Variants in KDR observed in about 807,000 individuals in gnomAD.
KDR encodes vascular endothelial growth factor receptor 2.
A neutral mutation model predicts 160.9 loss-of-function variants in KDR; 43 were observed. That is an observed-to-expected ratio of 0.27 (90% CI 0.21 to 0.34). The LOEUF (loss-of-function observed/expected upper bound fraction) is 0.34. KDR is among the 10% of genes least tolerant of loss of function. The pLI is 1.00. For synonymous variants in KDR, 617 were observed against 600.1 expected, an observed-to-expected ratio of 1.03 and a Z score of -0.41; for missense variants, 1,469 against 1,666.4, an observed-to-expected ratio of 0.88 and a Z score of 2.06.
At chr4:55,101,823 T>C in intron 15 of KDR, 74 bp downstream of exon 15, 3 of 1,294,528 alleles carry the variant, frequency 2.3e-6, no homozygotes, top group Non-Finnish European at 2.2e-6. Context: ...GCAAAGGACA[T>C]GATCAGATTC....
chr4:55,085,946 G>A (rs978426155), intron 27 of KDR, among the ~76,000 whole-genome samples: 4 of 152,162 alleles, frequency 2.6e-5, no homozygotes, highest in Admixed American at 2.0e-4. Flanking sequence ...GGAGGCTGCC[G>A]ACTCGGATCA....
Position 55,097,770 on chromosome 4 carries a change from G to C in KDR, c.2510-4C>G, listed in dbSNP as rs1232558101. 1 of 1,600,798 alleles carries C rather than the reference G, an allele frequency of 6.2e-7. No individual in the cohort carries two copies. Among genetic ancestry groups the C allele is most frequent in the Admixed American group, 1.7e-5 (1 of 59,842 alleles). ...GCACCACGGCCAAGAGGCTTACCTA[G>C]AGTCAACAACAACAGCAACAAGAAA... On this transcript the variant is annotated splice_polypyrimidine_tract_variant and splice_region_variant and intron_variant, in intron 17 of 29. Coordinates refer to ENST00000263923, the MANE Select transcript of KDR (RefSeq NM_002253.4).
chr4:55,113,488 A>G lies in KDR; in HGVS notation c.799-7T>C, dbSNP rs754990117. The stretch of plus-strand genomic sequence containing the variant: ...CAAGTTTCTTATGCTGATGCTGAAA[A>G]AAAGAGTTGACTGAACTTCCAAAGC... On this transcript the variant is annotated splice_polypyrimidine_tract_variant and splice_region_variant and intron_variant, in intron 6 of 29. Coordinates refer to ENST00000263923, the MANE Select transcript of KDR (RefSeq NM_002253.4). 2 of 1,613,784 alleles carry G rather than the reference A, an allele frequency of 1.2e-6. No homozygotes were observed. Among genetic ancestry groups the G allele is most frequent in the Non-Finnish European group, 1.7e-6 (2 of 1,179,706 alleles).
chr4:55,086,393 G>A (rs1479275473), intron 27 of KDR, among the ~76,000 whole-genome samples: 1 of 152,106 alleles, frequency 6.6e-6, no homozygotes, highest in Non-Finnish European at 1.5e-5. Flanking sequence ...GCCCCAAGTT[G>A]CACAGCTGCT....
At chr4:55,099,114 C>T (rs935852693) in intron 15 of KDR, among the ~76,000 whole-genome samples, 10 of 151,834 alleles carry the variant, frequency 6.6e-5, no homozygotes, top group Non-Finnish European at 1.2e-4. Context: ...TTCCTAGGCT[C>T]AAGCGATTCT....
In KDR at chr4:55,080,054, A is replaced by G; in HGVS notation, c.3958T>C (p.Ser1320Pro). ...TTTAAAAGTTCTGCTTCCTCACTGG[A>G]GTACACGGTGGTGTCTGTGTCATCG... is the stretch of plus-strand genomic sequence containing the variant. ...HSDDTDTTVY[S>P]SEEAELLKLI... Residue 1320 changes from serine to proline, a missense_variant, in exon 30 of 30, where the codon TCC (serine) becomes CCC (proline). Physicochemically the swap from Ser to Pro is moderately conservative, Grantham distance 74. This residue lies in a region of KDR where 229 missense variants were observed against 197.8 expected (regional missense o/e 1.16). Coordinates refer to ENST00000263923, the MANE Select transcript of KDR (RefSeq NM_002253.4). 6.2e-7 allele frequency: 1 copy of G among 1,614,122 alleles called. No homozygotes were observed. The highest frequency in any genetic ancestry group is 8.5e-7 in the Non-Finnish European group (1 of 1,180,008).
intron 15 of KDR, among the ~76,000 whole-genome samples, chr4:55,101,559 A>C (rs1720309533): frequency 6.6e-6 from 1 of 151,998 alleles, no homozygotes; most frequent in South Asian, 2.1e-4. Flanking sequence ...ACACAGGTAA[A>C]CATGTGCCAT....
intron 7 of KDR, among the ~76,000 whole-genome samples, chr4:55,112,008 C>T (rs1720597013): frequency 6.6e-6 from 1 of 152,092 alleles, no homozygotes; most frequent in South Asian, 2.1e-4. Flanking sequence ...ATATAAACTC[C>T]AAAATCCTTT....
chr4:55,101,404 C>T (rs140539128), intron 15 of KDR, among the ~76,000 whole-genome samples: 1 of 152,226 alleles, frequency 6.6e-6, no homozygotes, highest in Non-Finnish European at 1.5e-5. Flanking sequence ...TAAAAATCAT[C>T]TGTCGTTGCC....
chr4:55,089,279 G>T, intron 25 of KDR, 95 bp downstream of exon 25: 1 of 854,456 alleles, frequency 1.2e-6, no homozygotes, highest in Non-Finnish European at 1.9e-6. Flanking sequence ...ACACTAACTG[G>T]GCAATGAAGA....
At position 55,079,929 on chromosome 4, in the gene KDR, G is replaced by A. The variant is rs375679358; in HGVS notation, c.*12C>T. ...TGTGATGTCCAGGAGTTGGGGGTGT[G>A]GATGCTTCCTTTTAAACAGGAGGAG... On this transcript the variant is annotated 3_prime_UTR_variant, in exon 30 of 30. Coordinates refer to ENST00000263923, the MANE Select transcript of KDR (RefSeq NM_002253.4). 1.9e-6 allele frequency: 3 copies of A among 1,609,544 alleles called. No homozygotes were observed. The highest frequency in any genetic ancestry group is 3.3e-5 in the Admixed American group (2 of 60,016).
intron 22 of KDR, among the ~76,000 whole-genome samples, chr4:55,091,775 T>C (rs1420859385): frequency 6.6e-6 from 1 of 152,254 alleles, no homozygotes; most frequent in Non-Finnish European, 1.5e-5. Context: ...TTCTTCCTGA[T>C]CCTTAATTTG....
chr4:55,098,982 A>AATTT (rs71930411), intron 15 of KDR, among the ~76,000 whole-genome samples, 179 bp from the exon 16 acceptor site: 21,460 of 142,902 alleles, frequency 0.15, 1,737 homozygotes, highest in Middle Eastern at 0.27. Context: ...TTTTGAATTT[A>AATTT]ATTTATTTAT....
At chr4:55,084,028 A>C (rs1462562951) in intron 27 of KDR, among the ~76,000 whole-genome samples, 1 of 152,238 alleles carries the variant, frequency 6.6e-6, no homozygotes, top group East Asian at 1.9e-4. Flanking sequence ...ACACTGTGCC[A>C]GAAGCTGTCT....
chr4:55,123,208 A>G (rs535630072), intron 1 of KDR, among the ~76,000 whole-genome samples: 1 of 152,248 alleles, frequency 6.6e-6, no homozygotes, highest in African/African-American at 2.4e-5. Context: ...TCATTTGGAT[A>G]ACACAGATTT....
chr4:55,122,824 C>G (rs549853416), intron 1 of KDR: 2 of 151,982 alleles, frequency 1.3e-5, no homozygotes, highest in East Asian at 1.9e-4. Flanking sequence ...TTTTAACAAG[C>G]ATTTCAAATT....
Position 55,082,031 on chromosome 4 carries a change from G to T in KDR, c.3773C>A (p.Thr1258Lys). 3.7e-6 allele frequency: 6 copies of T among 1,612,428 alleles called. No homozygotes were observed. Among genetic ancestry groups the T allele is most frequent in the Non-Finnish European group, 5.1e-6 (6 of 1,178,464 alleles). The change falls in exon 29 of 30, where the codon ACG (threonine) becomes AAG (lysine). Residue 1258 changes from threonine (T) to lysine (K), a missense_variant. Thr to Lys is a moderately conservative substitution (Grantham distance 78, BLOSUM62 -1). Around this residue, in one of 7 missense-constraint regions of KDR, gnomAD observed 229 missense variants for 197.8 expected, o/e 1.16. Coordinates refer to ENST00000263923, the MANE Select transcript of KDR (RefSeq NM_002253.4). ...EVKVIPDDNQTDSGMVLASEE... is the reference protein window; with the variant it reads ...EVKVIPDDNQKDSGMVLASEE... The stretch of plus-strand genomic sequence containing the variant: ...TGAGGCAAGAACCATACCACTGTCC[G>T]TCTGGTTGTCCTTTTTAAGAGACAA...
intron 2 of KDR, among the ~76,000 whole-genome samples, chr4:55,120,023 A>G (rs1391340775): frequency 6.6e-6 from 1 of 152,204 alleles, no homozygotes; most frequent in African/African-American, 2.4e-5. Context: ...TGGGGATTTC[A>G]AATAACCTTG....
chr4:55,083,206 G>A (rs145216116), intron 27 of KDR, among the ~76,000 whole-genome samples: 5 of 152,182 alleles, frequency 3.3e-5, no homozygotes, highest in East Asian at 1.9e-4. Flanking sequence ...CTGTCCCCTC[G>A]TTTTCGCCCC....
Sources: allele counts gnomAD v4.1 joint callset (sites outside exome capture counted in the v4.1 genomes callset), GRCh38; gene constraint gnomAD v4.1.1; regional missense constraint gnomAD v4.1.1; transcripts MANE v1.5; gene names NCBI Gene and HGNC (gene_info 2026-07-23, HGNC 2026-07-21).